BMPR2: variants seen among roughly 807,000 people sequenced by gnomAD.
The protein encoded by BMPR2 is bone morphogenetic protein receptor type 2.
A neutral mutation model predicts 100.8 loss-of-function variants in BMPR2; 29 were observed. The observed-to-expected ratio is 0.29, with a 90% CI of 0.21 to 0.39. The LOEUF (loss-of-function observed/expected upper bound fraction) is 0.39. BMPR2 is among the 10% of genes least tolerant of loss of function. The pLI is 1.00. For missense variants in BMPR2, 1,011 were observed against 1,274.5 expected (o/e 0.79, Z 3.15); for synonymous variants, 382 against 442.3 (o/e 0.86, Z 1.71).
chr2:202,532,805 C>T lies in BMPR2; in HGVS notation c.1276+73C>T. 6.7e-7 allele frequency: 1 copy of T among 1,498,976 alleles called. No homozygotes were observed. The highest frequency in any genetic ancestry group is 9.1e-7 in the Non-Finnish European group (1 of 1,094,072). The allele number at this position is 1,498,976 out of a possible 1,614,324, so 92.9% of individuals were successfully genotyped here. A position where few individuals can be genotyped will look rare whatever the true frequency, so the allele number is the denominator to read the frequency against. ...TATCTTCTTTCTCTACCTATAGTAC[C>T]TAACTCAACTTTTATGTAAGAATCT... On this transcript the variant is annotated intron_variant, in intron 9 of 12. Coordinates refer to ENST00000374580, the MANE Select transcript of BMPR2 (RefSeq NM_001204.7). This position sits in a 1 kb window ranked among gnomAD's most constrained non-coding sequence, Gnocchi z 4.1.
chr2:202,403,157 G>A (rs2105911672), intron 1 of BMPR2, among the ~76,000 whole-genome samples: 1 of 150,448 alleles, frequency 6.6e-6, no homozygotes, highest in East Asian at 2.0e-4. Context: ...TTTTAGTAGA[G>A]ATGAACCCTC....
At chr2:202,477,517 C>T (rs1249350501) in intron 3 of BMPR2, among the ~76,000 whole-genome samples, 1 of 152,034 alleles carries the variant, frequency 6.6e-6, no homozygotes, top group African/African-American at 2.4e-5. Context: ...AAGCCGGGAG[C>T]GGTGGCTCAC....
Position 202,532,536 on chromosome 2 carries a change from C to G in BMPR2, c.1129-49C>G, listed in dbSNP as rs763671006. ...AACTTCTGGTCTAATGTCTGTTCTTCAGAATATGCTACGTTCTCTCTCTAA... is the reference window on the plus strand; with the variant it reads ...AACTTCTGGTCTAATGTCTGTTCTTGAGAATATGCTACGTTCTCTCTCTAA... On this transcript the variant is annotated intron_variant, in intron 8 of 12. Coordinates refer to ENST00000374580, the MANE Select transcript of BMPR2 (RefSeq NM_001204.7). The surrounding 1 kb of genome is among the most constrained non-coding windows in gnomAD (Gnocchi z 4.1). 5.0e-6 allele frequency: 8 copies of G among 1,594,372 alleles called. No homozygotes were observed. In the South Asian group the frequency reaches 8.8e-5, roughly 18 times the overall value.
At chr2:202,422,945 T>C (rs1691299318) in intron 1 of BMPR2, among the ~76,000 whole-genome samples, 1 of 152,224 alleles carries the variant, frequency 6.6e-6, no homozygotes, top group South Asian at 2.1e-4. Context: ...CCCAAAGTGC[T>C]GGGATTACAG....
At chr2:202,464,456 C>T (rs904164420) in intron 1 of BMPR2, among the ~76,000 whole-genome samples, 4 of 152,040 alleles carry the variant, frequency 2.6e-5, no homozygotes, top group African/African-American at 9.7e-5. Context: ...ATTCAGCCTT[C>T]TAGGTTTGTT....
In BMPR2 at chr2:202,490,319, T is replaced by TACAC. The variant is rs147025489; in HGVS notation, c.418+22645_418+22648dup. Among the ~76,000 whole-genome samples the TACAC allele has an allele frequency of 1.5e-4, 23 of 150,322 alleles. No individual in the cohort carries two copies. In the East Asian group the frequency reaches 3.1e-3, roughly 20 times the overall value. On this transcript the variant is annotated intron_variant, in intron 3 of 12. Coordinates refer to ENST00000374580, the MANE Select transcript of BMPR2 (RefSeq NM_001204.7). ...TTACCTTCTAAAGTCAAAAGGTATG[T>TACAC]ACACACACACACACACACGAGGTTG... is the stretch of plus-strand genomic sequence containing the variant.
At chr2:202,430,123 A>G (rs1299290979) in intron 1 of BMPR2, among the ~76,000 whole-genome samples, 2 of 152,158 alleles carry the variant, frequency 1.3e-5, no homozygotes, top group Non-Finnish European at 2.9e-5. Context: ...GAAATTAGAG[A>G]GAAAGAAATC....
intron 3 of BMPR2, among the ~76,000 whole-genome samples, chr2:202,492,116 T>C (rs1692913801): frequency 6.6e-6 from 1 of 152,096 alleles, no homozygotes; most frequent in Non-Finnish European, 1.5e-5. Context: ...TCAGTGATAG[T>C]AATACTATTA....
At chr2:202,401,861 C>T (rs1690774366) in intron 1 of BMPR2, among the ~76,000 whole-genome samples, 1 of 152,146 alleles carries the variant, frequency 6.6e-6, no homozygotes, top group South Asian at 2.1e-4. Flanking sequence ...CTACATTTTC[C>T]TTTTGGGATT....
chr2:202,534,923 CGGACGGGGCGGCTG>C (rs1688105197), intron 9 of BMPR2, among the ~76,000 whole-genome samples: 1 of 142,792 alleles, frequency 7.0e-6, no homozygotes, highest in Admixed American at 6.9e-5. Flanking sequence ...ACCTCCCTCC[CGGACGGGGCGGCTG>C]GCCGGGCGGG....
chr2:202,429,977 A>C (rs1028373310), intron 1 of BMPR2, among the ~76,000 whole-genome samples: 1 of 152,220 alleles, frequency 6.6e-6, no homozygotes, highest in Non-Finnish European at 1.5e-5. Flanking sequence ...ATCAGGTTGC[A>C]GTAACAAAAT....
chr2:202,557,461 TCAAA>T (rs1351771673), intron 12 of BMPR2, among the ~76,000 whole-genome samples: 3 of 104,870 alleles, frequency 2.9e-5, no homozygotes, highest in Admixed American at 1.1e-4. Flanking sequence ...AAACTCTGTC[TCAAA>T]CACACACACA....
In BMPR2 at chr2:202,503,424, C is replaced by G. The variant is rs887484040; in HGVS notation, c.419-10295C>G. 6.6e-6 allele frequency among the ~76,000 whole-genome samples: 1 copy of G among 152,264 alleles called. No homozygotes were observed. The highest frequency in any genetic ancestry group is 1.5e-5 in the Non-Finnish European group (1 of 68,048). On this transcript the variant is annotated intron_variant, in intron 3 of 12. Coordinates refer to ENST00000374580, the MANE Select transcript of BMPR2 (RefSeq NM_001204.7). This position sits in a 1 kb window ranked among gnomAD's most constrained non-coding sequence, Gnocchi z 4.0. Reference sequence around the variant, plus strand: ...GAACCGGGGCGGCGTGCCGCGCTTGCGGGCCAGCCGGAGTTCCGGTTGGGC... The same window carrying G: ...GAACCGGGGCGGCGTGCCGCGCTTGGGGGCCAGCCGGAGTTCCGGTTGGGC...
intron 3 of BMPR2, among the ~76,000 whole-genome samples, chr2:202,491,612 C>A (rs1692904450): frequency 6.6e-6 from 1 of 151,856 alleles, no homozygotes; most frequent in African/African-American, 2.4e-5. Context: ...TTAGCGGAGA[C>A]CAGGTTTCAT....
chr2:202,542,595 A>C, intron 10 of BMPR2, 148 bp downstream of exon 10: 1 of 1,063,694 alleles, frequency 9.4e-7, no homozygotes, highest in Non-Finnish European at 1.3e-6. Context: ...GATGTTTTCA[A>C]ATTTTTCAAT....
intron 7 of BMPR2, among the ~76,000 whole-genome samples, chr2:202,524,144 C>T (rs941375059): frequency 2.6e-5 from 4 of 152,008 alleles, no homozygotes; most frequent in African/African-American, 9.6e-5. Context: ...AGGCGGATCA[C>T]GAGGTCAGGA....
rs140466678 is a variant in BMPR2 at position 202,385,895 on chromosome 2, T to C, written c.76+8345T>C. On this transcript the variant is annotated intron_variant, in intron 1 of 12. Transcript: ENST00000374580. ...CTTCTCTAATAAACAATGCCATATT[T>C]AATACTTCTGTGCGTATGTCCTGCT... is the stretch of plus-strand genomic sequence containing the variant. 6.1e-4 allele frequency among the ~76,000 whole-genome samples: 93 copies of C among 152,344 alleles called. 3 individuals carry two copies. The East Asian group carries it at 0.016, about 27-fold the overall frequency.
chr2:202,429,804 A>G (rs1312703873), intron 1 of BMPR2, among the ~76,000 whole-genome samples: 1 of 152,138 alleles, frequency 6.6e-6, no homozygotes, highest in Admixed American at 6.6e-5. Context: ...GAACTTCCAA[A>G]CACTTGTAAA....
intron 9 of BMPR2, among the ~76,000 whole-genome samples, chr2:202,534,933 G>A (rs563511393): frequency 4.2e-5 from 6 of 143,154 alleles, no homozygotes; most frequent in African/African-American, 1.1e-4. Flanking sequence ...CGGACGGGGC[G>A]GCTGGCCGGG....
Sources: gnomAD v4.1 joint callset for allele counts (sites outside exome capture counted in the v4.1 genomes callset) on GRCh38, gnomAD v4.1.1 for gene constraint, Gnocchi (gnomAD v3.1) non-coding constraint, MANE v1.5 for transcripts, NCBI Gene and HGNC (gene_info 2026-07-23, HGNC 2026-07-21) for gene names.